PCDH9: variants seen among roughly 807,000 people sequenced by gnomAD.
The protein encoded by PCDH9 is protocadherin 9, also known as protocadherin-9.
In PCDH9, 24 loss-of-function variants were observed where a neutral mutation model predicts 70.6. That is an observed-to-expected ratio of 0.34 (90% CI 0.25 to 0.48). The LOEUF (loss-of-function observed/expected upper bound fraction) is 0.48, where lower values mean the gene tolerates loss of function less well. Ranked by LOEUF, PCDH9 falls within the 20% of genes least tolerant of loss-of-function variation. The pLI is 0.99. For missense variants in PCDH9, 1,281 were observed against 1,503.6 expected (o/e 0.85, Z 2.45); for synonymous variants, 562 against 558.5 (o/e 1.01, Z -0.09).
chr13:66,605,061 T>A (rs1481782055), intron 4 of PCDH9, among the ~76,000 whole-genome samples: 1 of 152,184 alleles, frequency 6.6e-6, no homozygotes, highest in Non-Finnish European at 1.5e-5. Flanking sequence ...ATCTCTGAAA[T>A]TTTTTATTTT....
chr13:66,454,166 A>C (rs370307400), intron 4 of PCDH9, among the ~76,000 whole-genome samples: 22 of 152,196 alleles, frequency 1.4e-4, no homozygotes, highest in Middle Eastern at 3.4e-3. Flanking sequence ...TTTTTTTAAA[A>C]AAAGCATTTT....
intron 4 of PCDH9, among the ~76,000 whole-genome samples, chr13:66,554,073 G>T (rs980088638): frequency 1.3e-5 from 2 of 152,066 alleles, no homozygotes; most frequent in Non-Finnish European, 2.9e-5. Flanking sequence ...CAAAGAAATG[G>T]TTAGTCCAAA....
At chr13:66,836,385 TA>T (rs1254312046) in intron 3 of PCDH9, among the ~76,000 whole-genome samples, 1 of 152,196 alleles carries the variant, frequency 6.6e-6, no homozygotes, top group African/African-American at 2.4e-5. Context: ...TATTTTCATG[TA>T]TTTTTTTAAA....
chr13:67,154,598 AT>A lies in PCDH9; in HGVS notation c.3036+70806del, dbSNP rs1385928908. Among the ~76,000 whole-genome samples the A allele has an allele frequency of 2.7e-4, 23 of 85,814 alleles. 2 individuals carry two copies. Among genetic ancestry groups the A allele is most frequent in the African/African-American group, 1.2e-3 (21 of 17,632 alleles). 56.3% of individuals were successfully genotyped at this position (85,814 alleles called of 152,430 possible). On this transcript the variant is annotated intron_variant, in intron 2 of 4. Transcript: ENST00000377865. ...CTCAAAAAAAAAAAAAAAAAAAAAT[AT>A]ATATATACACACACACACACACACA...
chr13:66,749,913 A>G (rs988881266), intron 3 of PCDH9, among the ~76,000 whole-genome samples: 1 of 152,186 alleles, frequency 6.6e-6, no homozygotes, highest in African/African-American at 2.4e-5. Flanking sequence ...CATACTTTCA[A>G]ACATCATGGT....
At chr13:66,702,226 G>T (rs947556584) in intron 3 of PCDH9, among the ~76,000 whole-genome samples, 4 of 152,178 alleles carry the variant, frequency 2.6e-5, no homozygotes, top group African/African-American at 7.2e-5. Flanking sequence ...GGGGAATATA[G>T]AAAGTATATA....
intron 2 of PCDH9, among the ~76,000 whole-genome samples, chr13:67,004,422 T>C (rs1202396886): frequency 6.6e-6 from 1 of 151,668 alleles, no homozygotes; most frequent in East Asian, 1.9e-4. Context: ...AATCCAAAAA[T>C]TAGCCAGGCA....
intron 4 of PCDH9, among the ~76,000 whole-genome samples, chr13:66,465,166 A>T (rs926364990): frequency 6.6e-6 from 1 of 151,916 alleles, no homozygotes; most frequent in Non-Finnish European, 1.5e-5. Flanking sequence ...ACAATGCAGC[A>T]TCCACACAAC....
chr13:66,700,914 GTACATATAAATATATATATATATA>G (rs1288555371), intron 3 of PCDH9, among the ~76,000 whole-genome samples: 1 of 56,502 alleles, frequency 1.8e-5, no homozygotes, highest in Non-Finnish European at 3.5e-5. Context: ...ATATATGTGT[GTACATATAAATATATATATATATA>G]TATATATATA....
intron 4 of PCDH9, among the ~76,000 whole-genome samples, chr13:66,458,183 A>G (rs1958355557): frequency 2.0e-5 from 3 of 151,850 alleles, no homozygotes; most frequent in Non-Finnish European, 4.4e-5. Context: ...TACCTGCGCT[A>G]TTTTACTCCA....
intron 2 of PCDH9, among the ~76,000 whole-genome samples, chr13:67,140,025 A>ACCT (rs2087335903): frequency 3.0e-5 from 2 of 65,938 alleles, no homozygotes; most frequent in African/African-American, 5.7e-5. Context: ...TTTTTTGATC[A>ACCT]CCCCCCCCCC....
chr13:66,771,850 T>A (rs939545002), intron 3 of PCDH9, among the ~76,000 whole-genome samples: 1 of 152,200 alleles, frequency 6.6e-6, no homozygotes, highest in Non-Finnish European at 1.5e-5. Flanking sequence ...CATAAATCAC[T>A]GAAAAGAGAC....
intron 3 of PCDH9, among the ~76,000 whole-genome samples, chr13:66,767,961 TA>T (rs1365668668): frequency 2.0e-5 from 3 of 152,048 alleles, no homozygotes; most frequent in African/African-American, 7.2e-5. Context: ...GTAAAAATAG[TA>T]ACACCTTGTG....
chr13:66,539,982 A>G (rs928810733), intron 4 of PCDH9, among the ~76,000 whole-genome samples: 1 of 147,862 alleles, frequency 6.8e-6, no homozygotes, highest in Non-Finnish European at 1.5e-5. Flanking sequence ...CCATGCTCCT[A>G]CCTTAGCCTC....
At chr13:66,434,679 C>A (rs929597097) in intron 4 of PCDH9, among the ~76,000 whole-genome samples, 2 of 151,906 alleles carry the variant, frequency 1.3e-5, no homozygotes, top group Admixed American at 6.6e-5. Flanking sequence ...TGTTTGTAAG[C>A]AGCACACATA....
At chr13:66,982,390 T>C (rs1431625031) in intron 2 of PCDH9, among the ~76,000 whole-genome samples, 9 of 152,184 alleles carry the variant, frequency 5.9e-5, no homozygotes, top group African/African-American at 2.2e-4. Context: ...TGTTTGCCTA[T>C]AGAACGCACT....
intron 3 of PCDH9, among the ~76,000 whole-genome samples, chr13:66,654,705 C>CTGTT (rs143186257): frequency 4.6e-5 from 7 of 151,800 alleles, no homozygotes; most frequent in African/African-American, 1.2e-4. Context: ...TTGTTGTTGT[C>CTGTT]TGTTTGTTTG....
intron 4 of PCDH9, among the ~76,000 whole-genome samples, chr13:66,468,856 TA>T (rs1958563148): frequency 1.3e-5 from 2 of 152,082 alleles, no homozygotes; most frequent in Non-Finnish European, 2.9e-5. Context: ...CCTGAAGGCT[TA>T]AATACTTGAA....
chr13:66,423,921 A>T (rs7328850), intron 4 of PCDH9, among the ~76,000 whole-genome samples: 1 of 151,916 alleles, frequency 6.6e-6, no homozygotes, highest in African/African-American at 2.4e-5. Context: ...GTATATTTAG[A>T]AAACCCCGTC....
Sources: gnomAD v4.1 joint callset for allele counts (sites outside exome capture counted in the v4.1 genomes callset) on GRCh38, gnomAD v4.1.1 for gene constraint, MANE v1.5 for transcripts, NCBI Gene and HGNC (gene_info 2026-07-23, HGNC 2026-07-21) for gene names.